Variants in CDH13 observed in about 807,000 individuals in gnomAD.
CDH13 encodes the protein cadherin-13.
Under a neutral mutation model 63.8 loss-of-function variants are expected in CDH13, and 24 were observed. The observed-to-expected ratio is 0.38, with a 90% confidence interval of 0.27 to 0.53. The LOEUF (loss-of-function observed/expected upper bound fraction) is 0.53. CDH13 is among the 20% of genes least tolerant of loss of function. The pLI is 0.85. For synonymous variants in CDH13, 503 were observed against 355.3 expected (o/e 1.42, Z -4.67); for missense variants, 1,049 against 903.1 (o/e 1.16, Z -2.07).
intron 3 of CDH13, among the ~76,000 whole-genome samples, chr16:83,052,767 A>T (rs1202484186): frequency 7.5e-5 from 8 of 107,084 alleles, no homozygotes; most frequent in Non-Finnish European, 1.3e-4. Flanking sequence ...ACAGGGCGAG[A>T]CTTTATCTCA....
chr16:83,052,039 A>G (rs2030394182), intron 3 of CDH13, among the ~76,000 whole-genome samples: 1 of 152,228 alleles, frequency 6.6e-6, no homozygotes, highest in African/African-American at 2.4e-5. Flanking sequence ...TGGTTAGATA[A>G]ATTAGAAGCA....
In CDH13 at chr16:82,732,750, A is replaced by G. The variant is rs532567377; in HGVS notation, c.45+105613A>G. Among the ~76,000 whole-genome samples, 5 of 152,240 alleles carry G rather than the reference A, an allele frequency of 3.3e-5. No individual in the cohort carries two copies. The South Asian group carries it at 8.3e-4, about 25-fold the overall frequency. On this transcript the variant is annotated intron_variant, in intron 1 of 13. Transcript: ENST00000567109. ...TTACTATTATTCATACATATTTACT[A>G]TGGTAAATAGCTCATGTTTTCAGGA... is the stretch of plus-strand genomic sequence containing the variant.
chr16:82,877,456 C>G (rs373377787), intron 2 of CDH13, among the ~76,000 whole-genome samples: 1 of 152,156 alleles, frequency 6.6e-6, no homozygotes, highest in African/African-American at 2.4e-5. Context: ...TTAAGCACTA[C>G]GCCATGTTGA....
chr16:83,053,955 T>A (rs1189014442), intron 3 of CDH13, among the ~76,000 whole-genome samples: 1 of 152,218 alleles, frequency 6.6e-6, no homozygotes, highest in Non-Finnish European at 1.5e-5. Context: ...TATGTGATGG[T>A]GATCTCATAA....
intron 6 of CDH13, among the ~76,000 whole-genome samples, chr16:83,474,019 T>C (rs1049203813): frequency 1.3e-5 from 2 of 152,196 alleles, no homozygotes; most frequent in Admixed American, 1.3e-4. Flanking sequence ...TTCAGGATTA[T>C]GCTTTTGTGT....
intron 6 of CDH13, among the ~76,000 whole-genome samples, chr16:83,483,201 C>T (rs1020688554): frequency 2.0e-5 from 3 of 152,162 alleles, no homozygotes; most frequent in African/African-American, 7.2e-5. Flanking sequence ...TTACATAACT[C>T]AGGCACAATG....
At chr16:83,111,988 A>T (rs72798370) in intron 3 of CDH13, among the ~76,000 whole-genome samples, 1 of 152,178 alleles carries the variant, frequency 6.6e-6, no homozygotes, top group Non-Finnish European at 1.5e-5. Flanking sequence ...CAATATGTGC[A>T]CAAATTTTCT....
At chr16:83,245,820 G>A (rs1383441386) in intron 5 of CDH13, among the ~76,000 whole-genome samples, 1 of 151,984 alleles carries the variant, frequency 6.6e-6, no homozygotes, top group Non-Finnish European at 1.5e-5. Context: ...ATGGCTCACT[G>A]CAGCCAAGAC....
At chr16:83,583,467 A>G (rs959742211) in intron 7 of CDH13, among the ~76,000 whole-genome samples, 2 of 152,204 alleles carry the variant, frequency 1.3e-5, no homozygotes, top group African/African-American at 4.8e-5. Flanking sequence ...TCTATTCTGT[A>G]GTTTTAACTG....
chr16:82,699,566 C>T (rs1370078829), intron 1 of CDH13, among the ~76,000 whole-genome samples: 5 of 152,212 alleles, frequency 3.3e-5, no homozygotes, highest in African/African-American at 1.2e-4. Context: ...ATTTCCTCTC[C>T]ACTAAGAACC....
chr16:82,943,753 A>G (rs1191407179), intron 2 of CDH13, among the ~76,000 whole-genome samples: 1 of 152,226 alleles, frequency 6.6e-6, no homozygotes, highest in Non-Finnish European at 1.5e-5. Flanking sequence ...GACTGCTGCA[A>G]TCAATTACAC....
At chr16:83,733,330 T>A (rs1489493276) in intron 10 of CDH13, among the ~76,000 whole-genome samples, 1 of 152,208 alleles carries the variant, frequency 6.6e-6, no homozygotes, top group Non-Finnish European at 1.5e-5. Flanking sequence ...AGCTCTCTCC[T>A]TGTGAAACCC....
chr16:83,384,162 C>G (rs560375758), intron 6 of CDH13, among the ~76,000 whole-genome samples: 3 of 152,116 alleles, frequency 2.0e-5, no homozygotes, highest in Admixed American at 6.6e-5. Context: ...GTTTTTCTAG[C>G]CCTCCTACCT....
intron 5 of CDH13, among the ~76,000 whole-genome samples, chr16:83,318,604 T>C (rs1356493610): frequency 6.6e-6 from 1 of 152,186 alleles, no homozygotes; most frequent in Non-Finnish European, 1.5e-5. Flanking sequence ...CTGTGGCACG[T>C]TGATGCCTAC....
chr16:83,742,285 C>A (rs542967757), intron 10 of CDH13, among the ~76,000 whole-genome samples: 11 of 152,332 alleles, frequency 7.2e-5, no homozygotes, highest in South Asian at 6.2e-4. Flanking sequence ...CCCCACTGCG[C>A]TGCCTGCGAC....
At chr16:83,442,246 A>G (rs1350762274) in intron 6 of CDH13, among the ~76,000 whole-genome samples, 1 of 152,210 alleles carries the variant, frequency 6.6e-6, no homozygotes, top group African/African-American at 2.4e-5. Flanking sequence ...AAAATGAGAC[A>G]AGAAGGTATT....
intron 6 of CDH13, among the ~76,000 whole-genome samples, chr16:83,407,244 AAC>A (rs1300114449): frequency 6.6e-6 from 1 of 152,258 alleles, no homozygotes; most frequent in Non-Finnish European, 1.5e-5. Context: ...AGGCAAAGAA[AAC>A]ACAGTTTTTG....
chr16:82,721,710 A>G (rs994349113), intron 1 of CDH13, among the ~76,000 whole-genome samples: 1 of 152,208 alleles, frequency 6.6e-6, no homozygotes, highest in Non-Finnish European at 1.5e-5. Flanking sequence ...TTTGTAGGCC[A>G]TGATAGAGAG....
chr16:82,638,176 C>T (rs1908921030), intron 1 of CDH13, among the ~76,000 whole-genome samples: 1 of 152,158 alleles, frequency 6.6e-6, no homozygotes. Context: ...AAGAACGCTG[C>T]AAACCTGGGA....
Sources: allele counts gnomAD v4.1 joint callset (sites outside exome capture counted in the v4.1 genomes callset), GRCh38; gene constraint gnomAD v4.1.1; transcripts MANE v1.5; gene names NCBI Gene and HGNC (gene_info 2026-07-23, HGNC 2026-07-21).